Variants in TIE1 observed in about 807,000 individuals in gnomAD.
The protein encoded by TIE1 is tyrosine-protein kinase receptor Tie-1.
Under a neutral mutation model 130.5 loss-of-function variants are expected in TIE1, and 89 were observed. The ratio of observed to expected loss-of-function variants is 0.68; its 90% CI spans 0.57 to 0.81. The LOEUF (loss-of-function observed/expected upper bound fraction) is 0.81, where lower values mean the gene tolerates loss of function less well. Ranked by LOEUF, TIE1 falls within the 40% of genes least tolerant of loss-of-function variation. The pLI is 0.00. For missense variants in TIE1, 1,392 were observed against 1,559.8 expected, an observed-to-expected ratio of 0.89 and a Z score of 1.81; for synonymous variants, 568 against 629.4, an observed-to-expected ratio of 0.90 and a Z score of 1.46.
intron 9 of TIE1, among the ~76,000 whole-genome samples, chr1:43,310,100 T>A (rs1458259450): frequency 1.3e-5 from 2 of 152,014 alleles, no homozygotes; most frequent in Non-Finnish European, 2.9e-5. Context: ...GTCTTAACCA[T>A]TCACACCCCT....
intron 3 of TIE1, among the ~76,000 whole-genome samples, chr1:43,305,699 A>T (rs1646722161): frequency 6.6e-6 from 1 of 152,196 alleles, no homozygotes; most frequent in Non-Finnish European, 1.5e-5. Flanking sequence ...GAGAACTGGT[A>T]ACATCATGCC....
intron 14 of TIE1, chr1:43,314,535 C>A: frequency 1.0e-6 from 1 of 998,886 alleles, no homozygotes; most frequent in Non-Finnish European, 1.2e-6. Flanking sequence ...CTTTTGGAGA[C>A]TTAAGAAAGG....
rs140190628 is a variant in TIE1, at chr1:43,311,746, C to G, written c.1409C>G (p.Ser470Trp). 6.2e-7 allele frequency: 1 copy of G among 1,614,128 alleles called. No homozygotes were observed. The highest frequency in any genetic ancestry group is 1.1e-5 in the South Asian group (1 of 91,076). The change falls in exon 10 of 23, where the codon TCG becomes TGG. Residue 470 changes from serine (S) to tryptophan (W), a missense_variant. By Grantham distance (177) the Ser-to-Trp change is radical. Coordinates refer to ENST00000372476, the MANE Select transcript of TIE1 (RefSeq NM_005424.5). Reference protein sequence around the residue: ...SRQLVVSPLVSFSGDGPISTV... With the variant: ...SRQLVVSPLVWFSGDGPISTV... ...CAGCTTGTGGTCTCCCCGCTGGTCT[C>G]GTTCTCTGGGGATGGACCCATCTCC...
At chr1:43,314,790 T>C (rs929536796) in intron 14 of TIE1, among the ~76,000 whole-genome samples, 1 of 152,130 alleles carries the variant, frequency 6.6e-6, no homozygotes, top group African/African-American at 2.4e-5. Context: ...ATGTTGCCAC[T>C]GCACTCCAGC....
chr1:43,318,111 A>C lies in TIE1; in HGVS notation c.2922+39A>C. On this transcript the variant is annotated intron_variant, in intron 17 of 22. Coordinates refer to ENST00000372476, the MANE Select transcript of TIE1 (RefSeq NM_005424.5). This position sits in a 1 kb window ranked among gnomAD's most constrained non-coding sequence, Gnocchi z 4.4. ...GGGGCGGGTGGAGGCCAGAGGGGGA[A>C]GCCACTGGGCTGGTGTCAGTGGAAG... 1 of 1,514,340 alleles carries C rather than the reference A, an allele frequency of 6.6e-7. No homozygotes were observed. Among genetic ancestry groups the C allele is most frequent in the East Asian group, 2.3e-5 (1 of 42,914 alleles). 93.8% of individuals were successfully genotyped at this position (1,514,340 alleles called of 1,614,324 possible). A position where few individuals can be genotyped will look rare whatever the true frequency, so the allele number is the denominator to read the frequency against.
intron 14 of TIE1, chr1:43,314,575 C>T (rs899154939): frequency 2.3e-5 from 23 of 987,628 alleles, no homozygotes; most frequent in Middle Eastern, 1.0e-3. Flanking sequence ...CACCTGTAAT[C>T]CTAGCATTTT....
intron 1 of TIE1, among the ~76,000 whole-genome samples, chr1:43,304,509 T>G (rs1355654635): frequency 2.0e-5 from 3 of 152,180 alleles, no homozygotes; most frequent in East Asian, 3.9e-4. Context: ...GCATAGATCA[T>G]TCTTTCCGAA....
In TIE1 at chr1:43,314,071, G is replaced by A. The variant is rs765396160; in HGVS notation, c.2409+103G>A. The A allele has an allele frequency of 1.3e-5, 16 of 1,203,228 alleles. No homozygotes were observed. The East Asian group carries it at 3.2e-4, about 24-fold the overall frequency. 74.5% of individuals were successfully genotyped at this position (1,203,228 alleles called of 1,614,324 possible). On this transcript the variant is annotated intron_variant, in intron 14 of 22. Coordinates refer to ENST00000372476, the MANE Select transcript of TIE1 (RefSeq NM_005424.5). Reference sequence around the variant, plus strand: ...GTACACCTTGTGTGTGTGTGTGTGTGTGTGTTTATGTTGCAGGTATAAGAT... The same window carrying A: ...GTACACCTTGTGTGTGTGTGTGTGTATGTGTTTATGTTGCAGGTATAAGAT...
At chr1:43,303,796 C>A (rs537338510) in intron 1 of TIE1, among the ~76,000 whole-genome samples, 3 of 152,282 alleles carry the variant, frequency 2.0e-5, no homozygotes, top group East Asian at 3.9e-4. Context: ...CCCCTGATTT[C>A]TCTCCCTCCC....
rs1371380848 is a variant in TIE1, at chr1:43,319,027, G to A, written c.2923-208G>A. On this transcript the variant is annotated intron_variant, in intron 17 of 22. Transcript: ENST00000372476. This position sits in a 1 kb window ranked among gnomAD's most constrained non-coding sequence, Gnocchi z 4.7. ...TGTCTCAGGAAAAGGGATCCAGCCT[G>A]AACTTGGTCAGGGCCCAGGAACGAG... 2.6e-5 allele frequency among the ~76,000 whole-genome samples: 4 copies of A among 152,118 alleles called. 1 individual carries two copies. Among genetic ancestry groups the A allele is most frequent in the Non-Finnish European group, 5.9e-5 (4 of 68,018 alleles).
At chr1:43,308,829 T>G (rs1279871538) in intron 7 of TIE1, 157 bp from the exon 8 acceptor site, 1 of 928,674 alleles carries the variant, frequency 1.1e-6, no homozygotes, top group Non-Finnish European at 1.7e-6. Context: ...GATGTGGGGC[T>G]GGGACGCTGG....
Position 43,321,499 on chromosome 1 carries a change from C to T in TIE1, c.3245+7C>T, listed in dbSNP as rs749799255. The T allele has an allele frequency of 5.0e-6, 8 of 1,609,158 alleles. No individual in the cohort carries two copies. The Admixed American group carries it at 1.4e-4, about 27-fold the overall frequency. On this transcript the variant is annotated splice_region_variant and intron_variant, in intron 21 of 22. Coordinates refer to ENST00000372476, the MANE Select transcript of TIE1 (RefSeq NM_005424.5). ...GAAACTGTGACGATGAAGTGTGAGT[C>T]ACCCCATCCTTGAGCTCCATGATCC...
In TIE1 at chr1:43,301,122, T is replaced by C; in HGVS notation, c.51T>C (p.Ser17=). The C allele has an allele frequency of 1.2e-6, 2 of 1,613,612 alleles. No individual in the cohort carries two copies. Among genetic ancestry groups the C allele is most frequent in the Non-Finnish European group, 1.7e-6 (2 of 1,179,806 alleles). Residue 17 remains serine (S), a synonymous_variant, in exon 1 of 23, where the codon TCT becomes TCC. Transcript: ENST00000372476. ...PFLLPILFLA[S]HVGAAVDLTL... is the part of the protein sequence containing the mutation. ...TGCTCCCCATCCTCTTCTTGGCTTCTCATGTGGGTAAGTCTCCCCTGAGTC... is the reference window on the plus strand; with the variant it reads ...TGCTCCCCATCCTCTTCTTGGCTTCCCATGTGGGTAAGTCTCCCCTGAGTC...
Position 43,305,174 on chromosome 1 carries a change from G to A in TIE1, c.373+9G>A, listed in dbSNP as rs901216046. ...GCACAACAGCCCTGGAGGTGAGTTA[G>A]GCAGGCGGGGGGATGGCGCGGGGAA... On this transcript the variant is annotated intron_variant, in intron 2 of 22. Coordinates refer to ENST00000372476, the MANE Select transcript of TIE1 (RefSeq NM_005424.5). 5 of 1,613,942 alleles carry A rather than the reference G, an allele frequency of 3.1e-6. No individual in the cohort carries two copies. Among genetic ancestry groups the A allele is most frequent in the Non-Finnish European group, 4.2e-6 (5 of 1,179,982 alleles).
Position 43,321,676 on chromosome 1 carries a change from G to A in TIE1, c.3306G>A (p.Gln1102=). ...CCTATGAGCGACCCCCCTTTGCCCA[G>A]ATTGCGCTACAGCTAGGCCGCATGC... is the stretch of plus-strand genomic sequence containing the variant. ...DRPYERPPFA[Q]IALQLGRMLE... is the part of the protein sequence containing the mutation. The change falls in exon 22 of 23, where the codon CAG becomes CAA. Residue 1102 remains glutamine, a synonymous_variant. Coordinates refer to ENST00000372476, the MANE Select transcript of TIE1 (RefSeq NM_005424.5). 6.4e-7 allele frequency: 1 copy of A among 1,553,582 alleles called. No homozygotes were observed. Among genetic ancestry groups the A allele is most frequent in the Non-Finnish European group, 8.7e-7 (1 of 1,147,980 alleles).
chr1:43,310,381 C>T (rs753484928), intron 9 of TIE1, among the ~76,000 whole-genome samples: 2 of 152,200 alleles, frequency 1.3e-5, no homozygotes, highest in Non-Finnish European at 2.9e-5. Context: ...ACCTCTCTTA[C>T]TTTGTTTCTC....
rs746794609 is a variant in TIE1 at position 43,305,323 on chromosome 1, A to C, written c.464A>C (p.Asp155Ala). The change falls in exon 3 of 23, where the codon GAC becomes GCC. Residue 155 changes from aspartate to alanine, a missense_variant. By Grantham distance (126) the Asp-to-Ala change is moderately radical. Coordinates refer to ENST00000372476, the MANE Select transcript of TIE1 (RefSeq NM_005424.5). ...SARVHKEKQT[D>A]VIWKSNGSYF... ...CGTGTGCACAAGGAGAAGCAGACAG[A>C]CGTGATCTGGAAGAGCAACGGTAAA... 6.4e-7 allele frequency: 1 copy of C among 1,573,358 alleles called. No individual in the cohort carries two copies. Among genetic ancestry groups the C allele is most frequent in the Admixed American group, 1.7e-5 (1 of 57,274 alleles).
rs184359533 is a variant in TIE1, at chr1:43,307,234, G to A, written c.733G>A (p.Val245Ile). 449 of 1,614,132 alleles carry A rather than the reference G, an allele frequency of 2.8e-4. 1 individual carries two copies. Among genetic ancestry groups the A allele is most frequent in the Admixed American group, 8.2e-4 (49 of 60,028 alleles). ...GVCHDHDGEC[V>I]CPPGFTGTRC... ...CTGCCACGACCATGACGGCGAATGT[G>A]TATGCCCCCCTGGCTTCACTGGCAC... The change falls in exon 5 of 23, where the codon GTA becomes ATA. Residue 245 changes from valine (V) to isoleucine (I), a missense_variant. Val to Ile is a conservative substitution (Grantham distance 29, BLOSUM62 3). Transcript: ENST00000372476. The surrounding 1 kb of genome is among the most constrained non-coding windows in gnomAD (Gnocchi z 5.4).
rs1646889587 is a variant in TIE1 at position 43,319,193 on chromosome 1, C to T, written c.2923-42C>T. The T allele has an allele frequency of 6.7e-7, 1 of 1,494,398 alleles. No homozygotes were observed. Among genetic ancestry groups the T allele is most frequent in the Non-Finnish European group, 9.3e-7 (1 of 1,070,868 alleles). 92.6% of individuals were successfully genotyped at this position (1,494,398 alleles called of 1,614,324 possible). A position where few individuals can be genotyped will look rare whatever the true frequency, so the allele number is the denominator to read the frequency against. ...CTTACTGGCCTGACTGTCCTGGGCTCCCTCATCCCCAGTCTCTCCTGACTT... is the reference window on the plus strand; with the variant it reads ...CTTACTGGCCTGACTGTCCTGGGCTTCCTCATCCCCAGTCTCTCCTGACTT... On this transcript the variant is annotated intron_variant, in intron 17 of 22. Transcript: ENST00000372476. The surrounding 1 kb of genome is among the most constrained non-coding windows in gnomAD (Gnocchi z 4.7).
Sources: allele counts gnomAD v4.1 joint callset (sites outside exome capture counted in the v4.1 genomes callset), GRCh38; gene constraint gnomAD v4.1.1; non-coding constraint Gnocchi (gnomAD v3.1); transcripts MANE v1.5; gene names NCBI Gene and HGNC (gene_info 2026-07-23, HGNC 2026-07-21).